The following CAPG variants were observed in gnomAD, a reference collection of about 807,000 sequenced individuals.
CAPG encodes macrophage-capping protein.
A neutral mutation model predicts 44.6 loss-of-function variants in CAPG; 32 were observed. That is an observed-to-expected ratio of 0.72 (90% CI 0.54 to 0.96). The LOEUF is 0.96. Among genes scored for constraint, CAPG ranks in the 50% least tolerant of loss-of-function variants. CAPG has a pLI of 0.00. For missense variants in CAPG, 412 were observed against 438.3 expected, an observed-to-expected ratio of 0.94 and a Z score of 0.54; for synonymous variants, 175 against 179.6, an observed-to-expected ratio of 0.97 and a Z score of 0.20.
intron 1 of CAPG, among the ~76,000 whole-genome samples, chr2:85,408,338 TCACACACACACACACACACA>T (rs71390065): frequency 7.7e-6 from 1 of 129,490 alleles, no homozygotes; most frequent in African/African-American, 3.0e-5. Context: ...GAAGAATCTG[TCACACACACACACACACACA>T]CACACACACA....
chr2:85,411,694 C>T (rs1183206723), upstream of CAPG, among the ~76,000 whole-genome samples: 1 of 152,210 alleles, frequency 6.6e-6, no homozygotes, highest in Non-Finnish European at 1.5e-5. Context: ...AAATCTGGAA[C>T]AAATCTTCCT....
intron 1 of CAPG, among the ~76,000 whole-genome samples, chr2:85,418,079 C>T (rs2104871950): frequency 6.6e-6 from 1 of 152,280 alleles, no homozygotes; most frequent in East Asian, 1.9e-4. Flanking sequence ...GTAACTAGCG[C>T]TAATGTGCAG....
chr2:85,399,497 T>C (rs568997908), intron 5 of CAPG, among the ~76,000 whole-genome samples: 2 of 152,312 alleles, frequency 1.3e-5, no homozygotes, highest in African/African-American at 4.8e-5. Context: ...TCTGTCTTCC[T>C]TTCTTTTTTT....
downstream of CAPG, among the ~76,000 whole-genome samples, chr2:85,392,157 G>A (rs537165325): frequency 4.9e-4 from 75 of 152,292 alleles, 1 homozygote; most frequent in East Asian, 9.7e-4. Flanking sequence ...TTGGGAGGCC[G>A]AGGCGGGTGG....
downstream of CAPG, chr2:85,394,732 G>A (rs985850449): frequency 1.5e-6 from 1 of 680,534 alleles, no homozygotes; most frequent in South Asian, 1.6e-5. Flanking sequence ...GTGACAGTGA[G>A]AATCAGCCCA....
chr2:85,413,519 G>A (rs1035197854), upstream of CAPG, among the ~76,000 whole-genome samples: 11 of 152,174 alleles, frequency 7.2e-5, no homozygotes, highest in Non-Finnish European at 4.4e-5. Flanking sequence ...GGCGGAGGTT[G>A]CGGTGAGCCG....
At chr2:85,396,528 C>T (rs1233136473) in intron 8 of CAPG, among the ~76,000 whole-genome samples, 1 of 152,190 alleles carries the variant, frequency 6.6e-6, no homozygotes, top group African/African-American at 2.4e-5. Flanking sequence ...GGATTCCTTC[C>T]TCTGTCAACT....
chr2:85,394,752 G>A, downstream of CAPG: 1 of 719,036 alleles, frequency 1.4e-6, no homozygotes, highest in Non-Finnish European at 2.6e-6. Context: ...AGGGCAGGTG[G>A]TGCAGGAAAA....
chr2:85,394,727 A>G (rs760967491), downstream of CAPG: 54 of 673,306 alleles, frequency 8.0e-5, no homozygotes, highest in Non-Finnish European at 1.3e-4. Flanking sequence ...GGTGGGTGAC[A>G]GTGAGAATCA....
chr2:85,398,266 C>T lies in CAPG; in HGVS notation c.760-114G>A, dbSNP rs540725675. 3.3e-6 allele frequency: 4 copies of T among 1,227,726 alleles called. No individual in the cohort carries two copies. The African/African-American group carries it at 4.5e-5, about 14-fold the overall frequency. 76.1% of individuals were successfully genotyped at this position (1,227,726 alleles called of 1,614,324 possible). A position where few individuals can be genotyped will look rare whatever the true frequency, so the allele number is the denominator to read the frequency against. Reference sequence around the variant, plus strand: ...CCCTCCCACTGTGCCTCGCTGCCCACTGCCCAGGTCCCAGGAGCAGACAAG... The same window carrying T: ...CCCTCCCACTGTGCCTCGCTGCCCATTGCCCAGGTCCCAGGAGCAGACAAG... On this transcript the variant is annotated intron_variant, in intron 7 of 9. Coordinates refer to ENST00000263867, the MANE Select transcript of CAPG (RefSeq NM_001747.4).
chr2:85,415,141 C>T (rs1456891717), upstream of CAPG, among the ~76,000 whole-genome samples: 1 of 152,200 alleles, frequency 6.6e-6, no homozygotes, highest in Non-Finnish European at 1.5e-5. Flanking sequence ...CTACTATCTG[C>T]CTTCCTTTGA....
chr2:85,396,229 G>A (rs1490806794), intron 8 of CAPG, among the ~76,000 whole-genome samples: 3 of 151,982 alleles, frequency 2.0e-5, no homozygotes, highest in African/African-American at 4.8e-5. Flanking sequence ...TCTGTCGCCC[G>A]GGCTGGAGTG....
At chr2:85,408,340 A>ACACACACC (rs1420156866) in intron 1 of CAPG, among the ~76,000 whole-genome samples, 6 of 48,030 alleles carry the variant, frequency 1.2e-4, no homozygotes, top group Non-Finnish European at 2.4e-4. Flanking sequence ...AGAATCTGTC[A>ACACACACC]CACACACACA....
At chr2:85,399,524 T>C (rs1686777624) in intron 5 of CAPG, among the ~76,000 whole-genome samples, 2 of 152,312 alleles carry the variant, frequency 1.3e-5, no homozygotes, top group South Asian at 4.1e-4. Flanking sequence ...AGGGTCTCAC[T>C]CTGTCATCCA....
Position 85,394,875 on chromosome 2 carries a change from G to A in CAPG, c.*18C>T, listed in dbSNP as rs1686508838. The A allele has an allele frequency of 6.3e-7, 1 of 1,598,332 alleles. No homozygotes were observed. Among genetic ancestry groups the A allele is most frequent in the East Asian group, 2.2e-5 (1 of 44,822 alleles). On this transcript the variant is annotated 3_prime_UTR_variant, in exon 10 of 10. Coordinates refer to ENST00000263867, the MANE Select transcript of CAPG (RefSeq NM_001747.4). ...GTGGTGGGGGGCAGGGGAGCATGGGGCAGGAAGACGCCCACCCTCATTTCC... is the reference window on the plus strand; with the variant it reads ...GTGGTGGGGGGCAGGGGAGCATGGGACAGGAAGACGCCCACCCTCATTTCC...
intron 1 of CAPG, among the ~76,000 whole-genome samples, chr2:85,417,916 A>C (rs557357760): frequency 3.3e-5 from 5 of 151,362 alleles, no homozygotes; most frequent in Admixed American, 2.6e-4. Context: ...CCTCCTCCTC[A>C]CCCCCTCCCA....
Position 85,401,299 on chromosome 2 carries a change from T to C in CAPG, c.382A>G (p.Thr128Ala). 1 of 1,613,760 alleles carries C rather than the reference T, an allele frequency of 6.2e-7. No individual in the cohort carries two copies. The highest frequency in any genetic ancestry group is 2.2e-5 in the East Asian group (1 of 44,856). The change falls in exon 5 of 10, where the codon ACC (threonine) becomes GCC (alanine). Residue 128 changes from threonine (T) to alanine (A), a missense_variant. Transcript: ENST00000263867. ...ATGGCAGCTGGGGCTCCTGTGGAGG[T>C]CTTGTGAAATGCTGACTCCACACCA... ...EGGVESAFHK[T>A]STGAPAAIKK...
chr2:85,395,902 T>A lies in CAPG; in HGVS notation c.893-276A>T, dbSNP rs1044056850. 1 of 432,724 alleles carries A rather than the reference T, an allele frequency of 2.3e-6. No individual in the cohort carries two copies. The highest frequency in any genetic ancestry group is 4.2e-6 in the Non-Finnish European group (1 of 235,702). The allele number at this position is 432,724 out of a possible 1,614,324, so 26.8% of individuals were successfully genotyped here. A position where few individuals can be genotyped will look rare whatever the true frequency, so the allele number is the denominator to read the frequency against. ...GCTCTGACCTGGGCCCCTGGAATAT[T>A]TCAGGGAGGGGAACAGGTGTTCACC... On this transcript the variant is annotated intron_variant, in intron 8 of 9. Transcript: ENST00000263867. This position sits in a 1 kb window ranked among gnomAD's most constrained non-coding sequence, Gnocchi z 4.3.
downstream of CAPG, among the ~76,000 whole-genome samples, chr2:85,394,539 G>A (rs1048980340): frequency 4.6e-5 from 7 of 152,188 alleles, no homozygotes; most frequent in South Asian, 2.1e-4. Context: ...CTGAACACCC[G>A]GATGCAACTG....
Sources: gnomAD v4.1 joint callset for allele counts (sites outside exome capture counted in the v4.1 genomes callset) on GRCh38, gnomAD v4.1.1 for gene constraint, Gnocchi (gnomAD v3.1) non-coding constraint, MANE v1.5 for transcripts, NCBI Gene and HGNC (gene_info 2026-07-23, HGNC 2026-07-21) for gene names.